The following TTC39B variants were observed in gnomAD, a reference collection of about 807,000 sequenced individuals.
TTC39B encodes the protein tetratricopeptide repeat protein 39B.
A neutral mutation model predicts 96.6 loss-of-function variants in TTC39B; 92 were observed. The ratio of observed to expected loss-of-function variants is 0.95; its 90% CI spans 0.80 to 1.13. The LOEUF is 1.13. TTC39B is among the 50% of genes most tolerant of loss of function. The pLI is 0.00. For missense variants in TTC39B, 955 were observed against 809.3 expected, an observed-to-expected ratio of 1.18 and a Z score of -2.18; for synonymous variants, 367 against 299.4, an observed-to-expected ratio of 1.23 and a Z score of -2.33.
chr9:15,262,129 T>A (rs1355879313), intron 2 of TTC39B, among the ~76,000 whole-genome samples: 1 of 152,082 alleles, frequency 6.6e-6, no homozygotes, highest in Non-Finnish European at 1.5e-5. Context: ...GATGGAGTCT[T>A]GCTCTGTCAC....
At chr9:15,199,914 C>A in exon 8 of TTC39B, 1 of 1,537,548 alleles carries the variant, frequency 6.5e-7, no homozygotes, top group Non-Finnish European at 8.9e-7. Context: ...TGAAGTTGAT[C>A]ATATTTTCAT....
At chr9:15,265,018 G>A (rs1823079819) in intron 2 of TTC39B, among the ~76,000 whole-genome samples, 1 of 151,962 alleles carries the variant, frequency 6.6e-6, no homozygotes, top group South Asian at 2.1e-4. Context: ...TTATTTTAAT[G>A]AACTTATTTG....
intron 1 of TTC39B, among the ~76,000 whole-genome samples, chr9:15,291,804 T>A (rs188293616): frequency 1.5e-3 from 232 of 152,278 alleles, no homozygotes; most frequent in African/African-American, 5.0e-3. Context: ...TTGTGGTATC[T>A]GTTCCTAGCA....
chr9:15,210,759 T>C (rs1253008182), intron 5 of TTC39B, among the ~76,000 whole-genome samples: 1 of 152,176 alleles, frequency 6.6e-6, no homozygotes, highest in Non-Finnish European at 1.5e-5. Flanking sequence ...ACACCTATCA[T>C]TTTTTAAAAG....
intron 2 of TTC39B, among the ~76,000 whole-genome samples, chr9:15,243,295 T>G (rs1410433212): frequency 6.6e-6 from 1 of 152,204 alleles, no homozygotes; most frequent in African/African-American, 2.4e-5. Flanking sequence ...TGCTGGAAAT[T>G]TGAACAGATG....
chr9:15,250,912 C>G (rs941588166), intron 2 of TTC39B, among the ~76,000 whole-genome samples: 2 of 152,100 alleles, frequency 1.3e-5, no homozygotes, highest in African/African-American at 2.4e-5. Flanking sequence ...AAAAGTAATA[C>G]CAGGGCTAGG....
intron 1 of TTC39B, among the ~76,000 whole-genome samples, chr9:15,296,195 C>T (rs187258705): frequency 1.7e-3 from 253 of 152,296 alleles, no homozygotes; most frequent in African/African-American, 5.9e-3. Context: ...ACACGAGCAC[C>T]GTGGCTCAAG....
At chr9:15,234,817 G>C (rs1196027391) in intron 2 of TTC39B, among the ~76,000 whole-genome samples, 3 of 151,856 alleles carry the variant, frequency 2.0e-5, no homozygotes, top group Non-Finnish European at 2.9e-5. Context: ...TTCTTAAACA[G>C]ATGCTTGAAG....
intron 17 of TTC39B, among the ~76,000 whole-genome samples, chr9:15,181,180 T>C (rs1381579751): frequency 6.6e-6 from 1 of 152,102 alleles, no homozygotes; most frequent in African/African-American, 2.4e-5. Flanking sequence ...GCTCCTGGAG[T>C]GCCCATCTTT....
chr9:15,252,621 G>A (rs1046798056), intron 2 of TTC39B, among the ~76,000 whole-genome samples: 8 of 151,898 alleles, frequency 5.3e-5, no homozygotes, highest in Non-Finnish European at 1.5e-5. Flanking sequence ...GCACTCCAGC[G>A]TGGGCAACAA....
intron 1 of TTC39B, among the ~76,000 whole-genome samples, chr9:15,285,362 G>T (rs1458976408): frequency 6.6e-6 from 1 of 151,442 alleles, no homozygotes; most frequent in Non-Finnish European, 1.5e-5. Context: ...TTTTTATTTA[G>T]AAATAAGTTC....
chr9:15,253,989 T>A (rs948394234), intron 2 of TTC39B, among the ~76,000 whole-genome samples: 2 of 152,120 alleles, frequency 1.3e-5, no homozygotes. Context: ...AGTGTCAACA[T>A]TGAGACTTGA....
intron 17 of TTC39B, among the ~76,000 whole-genome samples, chr9:15,178,883 G>A (rs553252706): frequency 6.6e-6 from 1 of 152,240 alleles, no homozygotes; most frequent in East Asian, 1.9e-4. Flanking sequence ...AATTCAGGAA[G>A]TAGAATACCC....
chr9:15,184,611 AG>A (rs1212643451), intron 16 of TTC39B, among the ~76,000 whole-genome samples: 3 of 152,218 alleles, frequency 2.0e-5, no homozygotes, highest in Non-Finnish European at 4.4e-5. Flanking sequence ...TGTTTTTCAC[AG>A]AAGCCTTGCC....
intron 8 of TTC39B, among the ~76,000 whole-genome samples, chr9:15,199,630 G>A (rs1819399754): frequency 6.7e-6 from 1 of 149,180 alleles, no homozygotes; most frequent in Admixed American, 6.7e-5. Context: ...AGCTACTCGG[G>A]AGGATGAGGC....
chr9:15,185,089 T>C (rs7036651), intron 16 of TTC39B, among the ~76,000 whole-genome samples, 191 bp downstream of exon 16: 38,191 of 152,152 alleles, frequency 0.25, 5,415 homozygotes, highest in Middle Eastern at 0.32. Context: ...GCCTGGATCA[T>C]ACTAACTAGT....
At chr9:15,210,963 T>C (rs1377434989) in intron 5 of TTC39B, among the ~76,000 whole-genome samples, 1 of 152,236 alleles carries the variant, frequency 6.6e-6, no homozygotes, top group Non-Finnish European at 1.5e-5. Flanking sequence ...ATGTTCCTTG[T>C]GTGGCTTGGT....
chr9:15,271,202 T>C (rs951489371), intron 1 of TTC39B, among the ~76,000 whole-genome samples: 3 of 152,208 alleles, frequency 2.0e-5, no homozygotes, highest in Non-Finnish European at 4.4e-5. Context: ...AGCATTGTTT[T>C]ACAAGCCTCC....
chr9:15,234,274 C>T (rs930742345), intron 2 of TTC39B, among the ~76,000 whole-genome samples: 1 of 150,726 alleles, frequency 6.6e-6, no homozygotes, highest in African/African-American at 2.4e-5. Flanking sequence ...GGGTCAGCCC[C>T]CGCCAGGCCA....
Sources: gnomAD v4.1 joint callset for allele counts (sites outside exome capture counted in the v4.1 genomes callset) on GRCh38, gnomAD v4.1.1 for gene constraint, MANE v1.5 for transcripts, NCBI Gene and HGNC (gene_info 2026-07-23, HGNC 2026-07-21) for gene names.